The following C1QTNF7 variants were observed in gnomAD, a reference collection of about 807,000 sequenced individuals.
C1QTNF7 encodes complement C1q tumor necrosis factor-related protein 7.
Under a neutral mutation model 19.6 loss-of-function variants are expected in C1QTNF7, and 15 were observed. That is an observed-to-expected ratio of 0.76 (90% CI 0.51 to 1.18). C1QTNF7 has a LOEUF of 1.18. C1QTNF7 is among the 50% of genes most tolerant of loss of function. C1QTNF7 has a pLI of 0.00. For synonymous variants in C1QTNF7, 142 were observed against 137.5 expected (o/e 1.03, Z -0.23); for missense variants, 324 against 359.7 (o/e 0.90, Z 0.80).
chr4:15,350,596 C>T lies in C1QTNF7; in HGVS notation c.13+10389C>T, dbSNP rs149470802. Among the ~76,000 whole-genome samples the T allele has an allele frequency of 4.5e-3, 680 of 152,202 alleles. 3 individuals carry two copies. Among genetic ancestry groups the T allele is most frequent in the African/African-American group, 0.015 (637 of 41,556 alleles). On this transcript the variant is annotated intron_variant, in intron 1 of 2. Coordinates refer to the C1QTNF7 transcript ENST00000295297. ...TTTCTGCTGAACATAGAAATTTAAC[C>T]ATCACCACAAATTCTCTATTTTGTT...
At position 15,361,774 on chromosome 4, in the gene C1QTNF7, T is replaced by C. The variant is rs150884867; in HGVS notation, c.13+21567T>C. Among the ~76,000 whole-genome samples the C allele has an allele frequency of 3.6e-3, 549 of 152,222 alleles. 3 individuals carry two copies. The highest frequency in any genetic ancestry group is 0.013 in the African/African-American group (525 of 41,556). On this transcript the variant is annotated intron_variant, in intron 1 of 2. Coordinates refer to the C1QTNF7 transcript ENST00000295297. ...AGATGTCTTCCCAAATCCCTAAATCTCATATTAGACTAAGGAGAGGCATTG... is the reference window on the plus strand; with the variant it reads ...AGATGTCTTCCCAAATCCCTAAATCCCATATTAGACTAAGGAGAGGCATTG...
intron 1 of C1QTNF7, among the ~76,000 whole-genome samples, chr4:15,362,075 C>T (rs1159679520): frequency 1.3e-5 from 2 of 152,108 alleles, no homozygotes; most frequent in Admixed American, 6.5e-5. Flanking sequence ...CAATTAAGCT[C>T]GCTATTCCCC....
intron 1 of C1QTNF7, among the ~76,000 whole-genome samples, chr4:15,352,624 A>C (rs982680302): frequency 4.6e-5 from 7 of 152,192 alleles, no homozygotes; most frequent in Non-Finnish European, 4.4e-5. Context: ...TGTTTCACAG[A>C]GTGCTGGATG....
rs914990343 is a variant in C1QTNF7 at position 15,443,860 on chromosome 4, C to T, written c.*1061C>T. ...TGGTAAGACATTGCTTCTCATGGAT[C>T]TGCTAGGTATTTATTTCAAATAAAG... On this transcript the variant is annotated 3_prime_UTR_variant, in exon 3 of 3. Transcript: ENST00000444304. 1 of 152,180 alleles carries T rather than the reference C, an allele frequency of 6.6e-6. No homozygotes were observed. Among genetic ancestry groups the T allele is most frequent in the African/African-American group, 2.4e-5 (1 of 41,424 alleles). The allele number at this position is 152,180 out of a possible 1,614,324, so 9.4% of individuals were successfully genotyped here.
At chr4:15,371,817 A>G (rs947834945) in intron 1 of C1QTNF7, among the ~76,000 whole-genome samples, 1 of 152,162 alleles carries the variant, frequency 6.6e-6, no homozygotes, top group Non-Finnish European at 1.5e-5. Flanking sequence ...CAAACTCTCT[A>G]CAGCTGTCAA....
Position 15,432,391 on chromosome 4 carries a change from T to C in C1QTNF7, c.-8-3345T>C, listed in dbSNP as rs140930800. On this transcript the variant is annotated intron_variant, in intron 1 of 2. Coordinates refer to ENST00000444304, the MANE Select transcript of C1QTNF7 (RefSeq NM_031911.5). ...ATGCATCAGGCACCACAACACATTGTTCCTCAATTCTTTTTGTTTTTTGAG... is the reference window on the plus strand; with the variant it reads ...ATGCATCAGGCACCACAACACATTGCTCCTCAATTCTTTTTGTTTTTTGAG... Among the ~76,000 whole-genome samples, 162 of 152,298 alleles carry C rather than the reference T, an allele frequency of 1.1e-3. 2 individuals are homozygous for C. In the East Asian group the frequency reaches 0.031, roughly 29 times the overall value.
intron 1 of C1QTNF7, among the ~76,000 whole-genome samples, chr4:15,383,410 A>G (rs1718220165): frequency 6.6e-6 from 1 of 152,036 alleles, no homozygotes; most frequent in African/African-American, 2.4e-5. Context: ...CTCCTGAAAA[A>G]TTTTCCTGGA....
rs757851203 is a variant in C1QTNF7 at position 15,377,388 on chromosome 4, A to G, written c.13+37181A>G. Among the ~76,000 whole-genome samples, 6 of 152,146 alleles carry G rather than the reference A, an allele frequency of 3.9e-5. No individual in the cohort carries two copies. In the East Asian group the frequency reaches 5.8e-4, roughly 15 times the overall value. On this transcript the variant is annotated intron_variant, in intron 1 of 2. Coordinates refer to the C1QTNF7 transcript ENST00000295297. ...TCATCTTTGATTGCATCAGGTTTCA[A>G]TCATCAGCAGATGGGTGGATTTCTT...
intron 1 of C1QTNF7, among the ~76,000 whole-genome samples, chr4:15,417,830 C>CAA (rs554702283): frequency 2.6e-5 from 4 of 152,256 alleles, no homozygotes; most frequent in Non-Finnish European, 5.9e-5. Flanking sequence ...CCTCGGGAAG[C>CAA]AAAGGAGGAA....
chr4:15,402,756 T>C (rs939320320), intron 1 of C1QTNF7, among the ~76,000 whole-genome samples: 2 of 152,202 alleles, frequency 1.3e-5, no homozygotes, highest in African/African-American at 4.8e-5. Context: ...AGTTCAGCAA[T>C]TCCTTCAGTT....
rs762567030 is a variant in C1QTNF7 at position 15,442,284 on chromosome 4, G to T, written c.355G>T (p.Gly119Cys). Residue 119 changes from glycine to cysteine, a missense_variant, in exon 3 of 3, where the codon GGT becomes TGT. Coordinates refer to ENST00000444304, the MANE Select transcript of C1QTNF7 (RefSeq NM_031911.5). Reference protein sequence around the residue: ...EGEKGEVGPIGPPGPKGDRGE... With the variant: ...EGEKGEVGPICPPGPKGDRGE... ...AGAGAAAGGAGAAGTAGGTCCAATT[G>T]GTCCTCCTGGACCAAAGGGAGACAG... The T allele has an allele frequency of 6.2e-7, 1 of 1,613,924 alleles. No individual in the cohort carries two copies. The highest frequency in any genetic ancestry group is 1.3e-5 in the African/African-American group (1 of 74,874).
At chr4:15,368,364 A>T (rs1175081289) in intron 1 of C1QTNF7, among the ~76,000 whole-genome samples, 1 of 152,058 alleles carries the variant, frequency 6.6e-6, no homozygotes, top group South Asian at 2.1e-4. Context: ...ATATATATAC[A>T]TGTGCCATGT....
At chr4:15,363,036 T>C (rs1253578641) in intron 1 of C1QTNF7, among the ~76,000 whole-genome samples, 1 of 152,202 alleles carries the variant, frequency 6.6e-6, no homozygotes, top group Non-Finnish European at 1.5e-5. Flanking sequence ...TTCCCTGCCT[T>C]GAAATTTTGT....
chr4:15,396,882 G>A (rs1327781420), intron 1 of C1QTNF7, among the ~76,000 whole-genome samples: 2 of 152,170 alleles, frequency 1.3e-5, no homozygotes, highest in African/African-American at 4.8e-5. Flanking sequence ...GGCTGTCAGT[G>A]TGATGGCATA....
At chr4:15,409,631 A>T (rs1206101050) in intron 1 of C1QTNF7, among the ~76,000 whole-genome samples, 2 of 152,116 alleles carry the variant, frequency 1.3e-5, no homozygotes, top group Non-Finnish European at 2.9e-5. Context: ...AATCACCAGG[A>T]GGGTCTCGGG....
At chr4:15,391,054 T>C (rs986559294) in intron 1 of C1QTNF7, among the ~76,000 whole-genome samples, 1 of 152,072 alleles carries the variant, frequency 6.6e-6, no homozygotes, top group South Asian at 2.1e-4. Context: ...TGCTTTTGAA[T>C]GCACATAATT....
intron 1 of C1QTNF7, among the ~76,000 whole-genome samples, chr4:15,364,539 C>T (rs1383517159): frequency 1.3e-5 from 2 of 152,058 alleles, no homozygotes; most frequent in Non-Finnish European, 2.9e-5. Flanking sequence ...GCAGATAATG[C>T]CAAAAACATT....
At chr4:15,364,234 A>G (rs934496234) in intron 1 of C1QTNF7, among the ~76,000 whole-genome samples, 3 of 152,202 alleles carry the variant, frequency 2.0e-5, no homozygotes, top group South Asian at 2.1e-4. Context: ...CAGCTAAAAC[A>G]TAAATAGTCT....
intron 1 of C1QTNF7, among the ~76,000 whole-genome samples, chr4:15,400,984 T>C (rs1343607090): frequency 1.3e-5 from 2 of 152,088 alleles, no homozygotes. Context: ...ACAATTCTTC[T>C]AGCCAGGCCT....
Sources: gnomAD v4.1 joint callset for allele counts (sites outside exome capture counted in the v4.1 genomes callset) on GRCh38, gnomAD v4.1.1 for gene constraint, MANE v1.5 for transcripts, NCBI Gene and HGNC (gene_info 2026-07-23, HGNC 2026-07-21) for gene names.